Variants in CFAP299 observed in about 807,000 individuals in gnomAD.
CFAP299 encodes cilia- and flagella-associated protein 299.
CFAP299 carries 21 observed loss-of-function variants against 27.0 expected under a neutral mutation model. That is an observed-to-expected ratio of 0.78 (90% CI 0.55 to 1.12). The LOEUF (loss-of-function observed/expected upper bound fraction) is 1.12, where lower values mean the gene tolerates loss of function less well. CFAP299 is among the 50% of genes most tolerant of loss of function. The probability of loss-of-function intolerance (pLI) is 0.00; values close to 1 mark genes in which losing one functional copy is unlikely to be tolerated. For missense variants in CFAP299, 310 were observed against 276.6 expected (o/e 1.12, Z -0.86); for synonymous variants, 104 against 98.1 (o/e 1.06, Z -0.36).
At chr4:80,933,155 T>TC (rs375461494) in intron 4 of CFAP299, among the ~76,000 whole-genome samples, 9 of 148,248 alleles carry the variant, frequency 6.1e-5, no homozygotes, top group African/African-American at 2.0e-4. Context: ...TCCTTTTCTT[T>TC]CTTTCCTTTC....
At chr4:80,326,908 T>C in the CFAP299 span, among the ~76,000 whole-genome samples, 1 of 152,232 alleles carries the variant, frequency 6.6e-6, no homozygotes, top group Admixed American at 6.5e-5. Flanking sequence ...AAAATTGTTT[T>C]CGTAATTTTA....
At chr4:80,782,603 T>C (rs1017866601) in intron 3 of CFAP299, among the ~76,000 whole-genome samples, 1 of 127,808 alleles carries the variant, frequency 7.8e-6, no homozygotes, top group African/African-American at 2.8e-5. Flanking sequence ...ATATATAATA[T>C]ACATATATTA....
intron 3 of CFAP299, among the ~76,000 whole-genome samples, chr4:80,689,720 A>G (rs1034116684): frequency 4.6e-5 from 7 of 152,200 alleles, no homozygotes; most frequent in Non-Finnish European, 1.0e-4. Context: ...AATGGACTAA[A>G]TGCTCCAATT....
chr4:80,730,907 T>G (rs1723483019), intron 3 of CFAP299, among the ~76,000 whole-genome samples: 1 of 152,252 alleles, frequency 6.6e-6, no homozygotes, highest in African/African-American at 2.4e-5. Context: ...CATTTTATCC[T>G]GCCTTTGCAC....
chr4:80,792,870 G>A (rs1560754303), intron 3 of CFAP299, among the ~76,000 whole-genome samples: 2 of 151,988 alleles, frequency 1.3e-5, no homozygotes, highest in South Asian at 4.1e-4. Context: ...AAGACTTTTA[G>A]CTTGGTCTTT....
At chr4:80,642,921 G>A (rs926602934) in intron 3 of CFAP299, among the ~76,000 whole-genome samples, 19 of 152,052 alleles carry the variant, frequency 1.2e-4, no homozygotes, top group African/African-American at 4.3e-4. Context: ...TTACATTTTA[G>A]TTGAGAGTGG....
intron 3 of CFAP299, among the ~76,000 whole-genome samples, chr4:80,855,375 CTTT>C (rs984542473): frequency 1.3e-5 from 2 of 151,602 alleles, no homozygotes; most frequent in African/African-American, 4.8e-5. Context: ...TCATCTTATT[CTTT>C]TTTATCTTAT....
intron 4 of CFAP299, among the ~76,000 whole-genome samples, chr4:80,876,681 G>A (rs1162122885): frequency 6.6e-6 from 1 of 152,012 alleles, no homozygotes; most frequent in Non-Finnish European, 1.5e-5. Context: ...TGTACAACCA[G>A]AAATCCAGGA....
At chr4:80,438,936 G>A (rs547140113) in intron 2 of CFAP299, among the ~76,000 whole-genome samples, 47 of 152,076 alleles carry the variant, frequency 3.1e-4, no homozygotes, top group Non-Finnish European at 6.0e-4. Context: ...GGTCTTTTTT[G>A]CAATGGTTAT....
intron 3 of CFAP299, among the ~76,000 whole-genome samples, chr4:80,828,987 G>C (rs557422082): frequency 1.3e-5 from 2 of 151,880 alleles, no homozygotes; most frequent in African/African-American, 4.8e-5. Flanking sequence ...ATTCCTGGAA[G>C]AAAACATGGG....
At chr4:80,724,757 AT>A (rs1199177969) in intron 3 of CFAP299, among the ~76,000 whole-genome samples, 3 of 151,718 alleles carry the variant, frequency 2.0e-5, no homozygotes, top group African/African-American at 4.8e-5. Context: ...CCTAATGAAT[AT>A]TTCTTCTGTT....
At chr4:80,455,822 G>C (rs570328449) in intron 2 of CFAP299, among the ~76,000 whole-genome samples, 1 of 152,216 alleles carries the variant, frequency 6.6e-6, no homozygotes, top group African/African-American at 2.4e-5. Flanking sequence ...TCATTATCTA[G>C]TGTTGATTGA....
At chr4:80,700,066 G>T in intron 3 of CFAP299, among the ~76,000 whole-genome samples, 1 of 152,112 alleles carries the variant, frequency 6.6e-6, no homozygotes, top group Middle Eastern at 3.4e-3. Context: ...AACAGAATTT[G>T]GTACTAACCC....
At chr4:80,666,124 T>C (rs886172931) in intron 3 of CFAP299, among the ~76,000 whole-genome samples, 1 of 152,204 alleles carries the variant, frequency 6.6e-6, no homozygotes, top group Non-Finnish European at 1.5e-5. Flanking sequence ...AAATTTACCT[T>C]AATAGGATTA....
At chr4:80,731,840 C>A (rs1275937095) in intron 3 of CFAP299, among the ~76,000 whole-genome samples, 1 of 152,046 alleles carries the variant, frequency 6.6e-6, no homozygotes, top group Non-Finnish European at 1.5e-5. Context: ...TCTAGAAAAT[C>A]CCTGATTTAA....
chr4:80,717,511 C>T (rs889924997), intron 3 of CFAP299, among the ~76,000 whole-genome samples: 6 of 152,104 alleles, frequency 3.9e-5, no homozygotes, highest in Admixed American at 3.3e-4. Flanking sequence ...TTTCCAACTA[C>T]TGGTAGAAAA....
chr4:80,701,978 G>A (rs1721516630), intron 3 of CFAP299, among the ~76,000 whole-genome samples: 1 of 151,860 alleles, frequency 6.6e-6, no homozygotes, highest in Admixed American at 6.6e-5. Flanking sequence ...GAGATTTGTT[G>A]CTATGAGGCT....
At chr4:80,522,231 G>A (rs1732956377) in intron 2 of CFAP299, among the ~76,000 whole-genome samples, 1 of 151,730 alleles carries the variant, frequency 6.6e-6, no homozygotes, top group Admixed American at 6.6e-5. Context: ...TTGTGGTTTT[G>A]ATTTTCATTT....
intron 4 of CFAP299, among the ~76,000 whole-genome samples, chr4:80,894,060 T>C (rs553519161): frequency 2.0e-4 from 30 of 151,822 alleles, no homozygotes; most frequent in Non-Finnish European, 4.3e-4. Flanking sequence ...TTGAAAGACC[T>C]AACCAAACGT....
Sources: gnomAD v4.1 joint callset for allele counts (sites outside exome capture counted in the v4.1 genomes callset) on GRCh38, gnomAD v4.1.1 for gene constraint, MANE v1.5 for transcripts, NCBI Gene and HGNC (gene_info 2026-07-23, HGNC 2026-07-21) for gene names.